MOB2: variants seen among roughly 807,000 people sequenced by gnomAD.
MOB2 encodes MOB2 Mps One Binder homolog.
Under a neutral mutation model 27.4 loss-of-function variants are expected in MOB2, and 14 were observed. The ratio of observed to expected loss-of-function variants is 0.51; its 90% CI spans 0.34 to 0.80. MOB2 has a LOEUF of 0.80. Among genes scored for constraint, MOB2 ranks in the 30% least tolerant of loss-of-function variants. The pLI is 0.01. For missense variants in MOB2, 304 were observed against 354.6 expected (o/e 0.86, Z 1.15); for synonymous variants, 167 against 151.8 (o/e 1.10, Z -0.74).
intron 3 of MOB2, chr11:1,471,902 C>T (rs12801744): frequency 0.077 from 11,766 of 153,138 alleles, 850 homozygotes; most frequent in East Asian, 0.42. Flanking sequence ...AGCCCCTCTC[C>T]GGGGAAAGCA....
At chr11:1,479,633 TC>T (rs1295677636) in intron 3 of MOB2, among the ~76,000 whole-genome samples, 1 of 152,214 alleles carries the variant, frequency 6.6e-6, no homozygotes, top group Non-Finnish European at 1.5e-5. Flanking sequence ...GGACCACGTC[TC>T]CCTGTGCCAG....
intron 3 of MOB2, 67 bp downstream of exon 3, chr11:1,480,326 G>A: frequency 7.0e-7 from 1 of 1,428,726 alleles, no homozygotes; most frequent in South Asian, 1.2e-5. Flanking sequence ...GGAGCCTGGG[G>A]CAGCGGGGGC....
intron 3 of MOB2, among the ~76,000 whole-genome samples, chr11:1,477,917 T>C (rs1847869943): frequency 6.6e-6 from 1 of 152,262 alleles, no homozygotes; most frequent in Non-Finnish European, 1.5e-5. Flanking sequence ...TTGCTGTTTG[T>C]TGCCTCTGTT....
At chr11:1,481,284 T>G in intron 1 of MOB2, 1 of 282,044 alleles carries the variant, frequency 3.5e-6, no homozygotes, top group Non-Finnish European at 7.2e-6. Context: ...TGGCTTCTTT[T>G]GAGTTGGCCA....
At chr11:1,482,432 C>A (rs1232306172) in intron 1 of MOB2, among the ~76,000 whole-genome samples, 1 of 152,168 alleles carries the variant, frequency 6.6e-6, no homozygotes, top group East Asian at 1.9e-4. Context: ...TCAGAGAGGG[C>A]TGGGCAGGGG....
Position 1,470,112 on chromosome 11 carries a change from A to C in MOB2, c.*60T>G, listed in dbSNP as rs1430680775. On this transcript the variant is annotated 3_prime_UTR_variant, in exon 5 of 5. Coordinates refer to ENST00000329957, the MANE Select transcript of MOB2 (RefSeq NM_001172223.3). ...AGCACATGTGTGCACACGCAGATGC[A>C]GGAGAGAACACACACCACCGTCTCT... The C allele has an allele frequency of 6.5e-7, 1 of 1,549,866 alleles. No individual in the cohort carries two copies.
chr11:1,474,207 ACCCT>A (rs142184061), intron 3 of MOB2, among the ~76,000 whole-genome samples: 3,483 of 152,106 alleles, frequency 0.023, 133 homozygotes, highest in African/African-American at 0.078. Context: ...CCATCCTTAC[ACCCT>A]CTTTGGCAAA....
At chr11:1,475,855 A>G (rs1271791552) in intron 3 of MOB2, among the ~76,000 whole-genome samples, 2 of 152,232 alleles carry the variant, frequency 1.3e-5, no homozygotes, top group Non-Finnish European at 2.9e-5. Flanking sequence ...CTTAGATCTT[A>G]GCAACCTCAC....
chr11:1,485,403 A>C (rs1382979241), intron 1 of MOB2, among the ~76,000 whole-genome samples: 1 of 152,076 alleles, frequency 6.6e-6, no homozygotes, highest in Non-Finnish European at 1.5e-5. Context: ...CCAAAACCTC[A>C]CAGTTTCACC....
chr11:1,486,498 T>C lies in MOB2; in HGVS notation c.59A>G (p.Gln20Arg). The C allele has an allele frequency of 6.5e-7, 1 of 1,535,886 alleles. No homozygotes were observed. The highest frequency in any genetic ancestry group is 8.7e-7 in the Non-Finnish European group (1 of 1,146,826). Residue 20 changes from glutamine to arginine, a missense_variant, in exon 1 of 5, where the codon CAA (glutamine) becomes CGA (arginine). Physicochemically the swap from Gln to Arg is conservative, Grantham distance 43. Transcript: ENST00000329957. Reference protein sequence around the residue: ...EDQARPGQSLQSGLCCKMVLQ... With the variant: ...EDQARPGQSLRSGLCCKMVLQ... Reference sequence around the variant, plus strand: ...CACCATTTTGCAGCAGAGTCCACTTTGCAGGGACTGGCCGGGCCGGGCTTG... The same window carrying C: ...CACCATTTTGCAGCAGAGTCCACTTCGCAGGGACTGGCCGGGCCGGGCTTG...
At chr11:1,476,554 A>C (rs4402279) in intron 3 of MOB2, among the ~76,000 whole-genome samples, 140,004 of 152,316 alleles carry the variant, frequency 0.92, 64,513 homozygotes, top group East Asian at 1. Flanking sequence ...ATTACCTTTC[A>C]AAGTCATCAC....
intron 1 of MOB2, 105 bp from the exon 2 acceptor site, chr11:1,480,990 G>A: frequency 1.5e-6 from 2 of 1,375,214 alleles, no homozygotes; most frequent in Non-Finnish European, 2.0e-6. Flanking sequence ...AGCTGCCCGA[G>A]CCCATCGGGG....
chr11:1,474,171 C>T (rs1008172639), intron 3 of MOB2, among the ~76,000 whole-genome samples: 1 of 152,230 alleles, frequency 6.6e-6, no homozygotes, highest in African/African-American at 2.4e-5. Context: ...TCTCTAATTG[C>T]TAACAACACA....
intron 1 of MOB2, chr11:1,481,728 AGG>A: frequency 7.7e-5 from 1 of 12,982 alleles, no homozygotes; most frequent in Non-Finnish European, 1.4e-4. Flanking sequence ...GGGCAGGGGC[AGG>A]GGCAGGGGCA....
At chr11:1,478,835 G>A (rs551626984) in intron 3 of MOB2, among the ~76,000 whole-genome samples, 9 of 152,226 alleles carry the variant, frequency 5.9e-5, no homozygotes, top group South Asian at 4.2e-4. Flanking sequence ...GGGAGGAGAC[G>A]CGCCTCAATC....
intron 3 of MOB2, 174 bp from the exon 4 acceptor site, chr11:1,471,593 G>A (rs565019889): frequency 2.8e-6 from 2 of 705,244 alleles, no homozygotes; most frequent in African/African-American, 1.8e-5. Context: ...TGTCTGCGGG[G>A]ACCACACTGC....
intron 4 of MOB2, 82 bp downstream of exon 4, chr11:1,471,213 G>A (rs1847785599): frequency 6.6e-7 from 1 of 1,506,734 alleles, no homozygotes; most frequent in Non-Finnish European, 8.9e-7. Flanking sequence ...TCCCGGCACA[G>A]GAGCTTGGTC....
chr11:1,474,168 T>C (rs780845450), intron 3 of MOB2, among the ~76,000 whole-genome samples: 25 of 152,228 alleles, frequency 1.6e-4, no homozygotes, highest in Non-Finnish European at 3.7e-4. Context: ...CTTTCTCTAA[T>C]TGCTAACAAC....
intron 1 of MOB2, among the ~76,000 whole-genome samples, chr11:1,483,078 G>A (rs916356969): frequency 7.9e-5 from 12 of 152,178 alleles, no homozygotes; most frequent in Non-Finnish European, 1.5e-4. Flanking sequence ...GCCCAGTGGA[G>A]AAAACACCTC....
Sources: allele counts gnomAD v4.1 joint callset (sites outside exome capture counted in the v4.1 genomes callset), GRCh38; gene constraint gnomAD v4.1.1; transcripts MANE v1.5; gene names NCBI Gene and HGNC (gene_info 2026-07-23, HGNC 2026-07-21).